The following METTL21C variants were observed in gnomAD, a reference collection of about 807,000 sequenced individuals.
METTL21C encodes protein-lysine methyltransferase METTL21C.
Under a neutral mutation model 25.9 loss-of-function variants are expected in METTL21C, and 21 were observed. The ratio of observed to expected loss-of-function variants is 0.81; its 90% CI spans 0.58 to 1.17. METTL21C has a LOEUF of 1.17. Among genes scored for constraint, METTL21C ranks in the 50% most tolerant of loss-of-function variants. The pLI is 0.00. For synonymous variants in METTL21C, 125 were observed against 124.7 expected, an observed-to-expected ratio of 1.00 and a Z score of -0.01; for missense variants, 312 against 315.1, an observed-to-expected ratio of 0.99 and a Z score of 0.07.
In METTL21C at chr13:102,686,989, AAGT is replaced by A. The variant is rs1566387445; in HGVS notation, c.348_350del (p.Leu117del). 2.5e-6 allele frequency: 4 copies of A among 1,614,166 alleles called. No homozygotes were observed. The South Asian group carries it at 4.4e-5, about 18-fold the overall frequency. On this transcript the variant is annotated inframe_deletion, in exon 3 of 4. Transcript: ENST00000267273. ...CAAGGCCTGGTCCGGCACCAATTTC[AAGT>A]ATTTTTGCATCTTGGAAATTCAATT...
the METTL21C span, among the ~76,000 whole-genome samples, chr13:102,703,162 T>C: frequency 5.9e-5 from 9 of 152,326 alleles, no homozygotes; most frequent in South Asian, 1.9e-3. Flanking sequence ...TTTCTTTCTA[T>C]AGCTGATGAC....
In METTL21C at chr13:102,687,018, C is replaced by T. The variant is rs1341558076; in HGVS notation, c.322G>A (p.Glu108Lys). ...LCQYLEEHAE[E>K]LNFQDAKILE... is the part of the protein sequence containing the mutation. ...ATTTTTGCATCTTGGAAATTCAATT[C>T]CTCGGCATGTTCCTCCAAGTATTGA... Residue 108 changes from glutamate (E) to lysine (K), a missense_variant, in exon 3 of 4, where the codon GAA becomes AAA. Transcript: ENST00000267273. 1 of 1,613,980 alleles carries T rather than the reference C, an allele frequency of 6.2e-7. No homozygotes were observed. Among genetic ancestry groups the T allele is most frequent in the African/African-American group, 1.3e-5 (1 of 74,928 alleles).
At chr13:102,703,353 A>G in the METTL21C span, among the ~76,000 whole-genome samples, 1 of 152,148 alleles carries the variant, frequency 6.6e-6, no homozygotes, top group Non-Finnish European at 1.5e-5. Flanking sequence ...GCCAGAAAAC[A>G]TCAAATCTCA....
upstream of METTL21C, among the ~76,000 whole-genome samples, chr13:102,698,362 G>A (rs1453947028): frequency 6.6e-6 from 1 of 152,146 alleles, no homozygotes; most frequent in African/African-American, 2.4e-5. Context: ...TGGATCATGA[G>A]GTCGGCCTGT....
In METTL21C at chr13:102,694,484, C is replaced by G. The variant is rs774205216; in HGVS notation, c.15G>C (p.Leu5=). The G allele has an allele frequency of 6.3e-7, 1 of 1,599,888 alleles. No individual in the cohort carries two copies. The highest frequency in any genetic ancestry group is 1.3e-5 in the African/African-American group (1 of 74,466). MDVC[L]SSAQQPGRRG... ...GGCGCCCAGGCTGCTGCGCGGAGCT[C>G]AGACACACGTCCATAGCCGGCTGTC... is the stretch of plus-strand genomic sequence containing the variant. The change falls in exon 1 of 4, where the codon CTG becomes CTC. Residue 5 remains leucine (L), a synonymous_variant. Transcript: ENST00000267273.
intron 2 of METTL21C, among the ~76,000 whole-genome samples, chr13:102,688,914 C>A (rs1209704301): frequency 1.3e-5 from 2 of 152,164 alleles, no homozygotes; most frequent in Non-Finnish European, 2.9e-5. Context: ...GAGATCTTTT[C>A]ACAGAGTTGC....
At chr13:102,691,831 A>G (rs1885836735) in intron 1 of METTL21C, among the ~76,000 whole-genome samples, 1 of 152,226 alleles carries the variant, frequency 6.6e-6, no homozygotes, top group Non-Finnish European at 1.5e-5. Flanking sequence ...ATACTCCTTT[A>G]AACCCATGAC....
At chr13:102,689,357 T>C (rs906936340) in intron 2 of METTL21C, among the ~76,000 whole-genome samples, 3 of 152,204 alleles carry the variant, frequency 2.0e-5, no homozygotes, top group African/African-American at 7.2e-5. Context: ...GAAAAGCCTT[T>C]AGTTGAAGGA....
At chr13:102,689,835 G>A (rs1265322184) in intron 2 of METTL21C, among the ~76,000 whole-genome samples, 2 of 152,350 alleles carry the variant, frequency 1.3e-5, no homozygotes, top group Non-Finnish European at 2.9e-5. Context: ...GCTTACGCTA[G>A]GACTTCATTT....
At chr13:102,691,911 G>C (rs1405945250) in intron 1 of METTL21C, among the ~76,000 whole-genome samples, 1 of 152,214 alleles carries the variant, frequency 6.6e-6, no homozygotes, top group African/African-American at 2.4e-5. Flanking sequence ...GACATCAAGA[G>C]ATCACAAGTG....
upstream of METTL21C, among the ~76,000 whole-genome samples, chr13:102,699,601 G>A (rs1272603565): frequency 3.9e-5 from 6 of 152,322 alleles, no homozygotes; most frequent in East Asian, 5.8e-4. Flanking sequence ...CCAGAGAAGT[G>A]AGGGTTTCAT....
chr13:102,698,181 T>A (rs1294021115), upstream of METTL21C, among the ~76,000 whole-genome samples: 1 of 152,190 alleles, frequency 6.6e-6, no homozygotes, highest in Non-Finnish European at 1.5e-5. Flanking sequence ...TTATCTTGTA[T>A]GTTGTTCAAA....
upstream of METTL21C, among the ~76,000 whole-genome samples, chr13:102,699,187 C>T (rs564887224): frequency 6.6e-6 from 1 of 152,292 alleles, no homozygotes; most frequent in South Asian, 2.1e-4. Flanking sequence ...CCAGTGCATA[C>T]ATACTTCCTT....
chr13:102,685,875 T>C lies in METTL21C; in HGVS notation c.*156A>G, dbSNP rs1312400702. 1.3e-5 allele frequency: 8 copies of C among 606,958 alleles called. No individual in the cohort carries two copies. In the South Asian group the frequency reaches 2.6e-4, roughly 20 times the overall value. The allele number at this position is 606,958 out of a possible 1,614,324, so 37.6% of individuals were successfully genotyped here. A position where few individuals can be genotyped will look rare whatever the true frequency, so the allele number is the denominator to read the frequency against. ...GATAATCTTAAATTATCTTAGAAAT[T>C]AGAAAGTTTCTGCAGTATTGTTACA... On this transcript the variant is annotated 3_prime_UTR_variant, in exon 4 of 4. Transcript: ENST00000267273.
Position 102,690,836 on chromosome 13 carries a change from A to C in METTL21C, c.259T>G (p.Tyr87Asp). The stretch of plus-strand genomic sequence containing the variant: ...ACCCCTGGCCACACCACCGCTCCGT[A>C]ACTCTCTATGGATTCCTGGATGACA... ...EIVIQESIES[Y>D]GAVVWPGAMA... Residue 87 changes from tyrosine (Y) to aspartate (D), a missense_variant, in exon 2 of 4, where the codon TAC (tyrosine) becomes GAC (aspartate). Physicochemically the swap from Tyr to Asp is radical, Grantham distance 160. Coordinates refer to ENST00000267273, the MANE Select transcript of METTL21C (RefSeq NM_001010977.3). 6.2e-7 allele frequency: 1 copy of C among 1,614,128 alleles called. No homozygotes were observed.
At chr13:102,691,525 T>C (rs1278513930) in intron 1 of METTL21C, among the ~76,000 whole-genome samples, 1 of 151,954 alleles carries the variant, frequency 6.6e-6, no homozygotes, top group Non-Finnish European at 1.5e-5. Flanking sequence ...AATTTTTGTA[T>C]TTTTAGTAGA....
upstream of METTL21C, among the ~76,000 whole-genome samples, chr13:102,695,076 T>G (rs962515107): frequency 2.6e-5 from 4 of 152,106 alleles, no homozygotes; most frequent in Non-Finnish European, 5.9e-5. Context: ...AAGAAGTGGG[T>G]GTTGGACAGT....
At chr13:102,689,107 T>A (rs975475756) in intron 2 of METTL21C, among the ~76,000 whole-genome samples, 2 of 152,120 alleles carry the variant, frequency 1.3e-5, no homozygotes, top group African/African-American at 4.8e-5. Context: ...TTATTATTTT[T>A]AAAAGGGAGA....
At chr13:102,704,060 C>T in the METTL21C span, among the ~76,000 whole-genome samples, 37 of 152,176 alleles carry the variant, frequency 2.4e-4, no homozygotes, top group African/African-American at 8.7e-4. Context: ...CAAACTGTCA[C>T]CATTTAAATT....
Sources: gnomAD v4.1 joint callset for allele counts (sites outside exome capture counted in the v4.1 genomes callset) on GRCh38, gnomAD v4.1.1 for gene constraint, MANE v1.5 for transcripts, NCBI Gene and HGNC (gene_info 2026-07-23, HGNC 2026-07-21) for gene names.